The following GRIK1 variants were observed in gnomAD, a reference collection of about 807,000 sequenced individuals.
GRIK1 encodes glutamate ionotropic receptor kainate type subunit 1.
In GRIK1, 69 loss-of-function variants were observed where a neutral mutation model predicts 105.7. The observed-to-expected ratio is 0.65, with a 90% CI of 0.54 to 0.80. The LOEUF (loss-of-function observed/expected upper bound fraction) is 0.80. GRIK1 is among the 30% of genes least tolerant of loss of function. The probability of loss-of-function intolerance (pLI) is 0.00; values close to 1 mark genes in which losing one functional copy is unlikely to be tolerated. For synonymous variants in GRIK1, 438 were observed against 431.3 expected (o/e 1.02, Z -0.19); for missense variants, 1,109 against 1,167.3 (o/e 0.95, Z 0.73).
chr21:29,580,880 C>A (rs907880635), intron 13 of GRIK1, among the ~76,000 whole-genome samples: 3 of 152,066 alleles, frequency 2.0e-5, no homozygotes, highest in African/African-American at 7.2e-5. Context: ...ATTTCTATGG[C>A]CAAATTTTAT....
chr21:29,846,508 AG>A (rs2068130378), intron 1 of GRIK1, among the ~76,000 whole-genome samples: 1 of 147,780 alleles, frequency 6.8e-6, no homozygotes, highest in Non-Finnish European at 1.5e-5. Context: ...AAAGAAAGAA[AG>A]AAAGAAAGAA....
At chr21:29,762,280 C>T (rs188612991) in intron 1 of GRIK1, among the ~76,000 whole-genome samples, 2 of 152,274 alleles carry the variant, frequency 1.3e-5, no homozygotes, top group Admixed American at 6.5e-5. Context: ...CGTAAGGTGC[C>T]ATTATGAATA....
chr21:29,767,524 AAAG>A (rs1419890350), intron 1 of GRIK1, among the ~76,000 whole-genome samples: 1 of 152,202 alleles, frequency 6.6e-6, no homozygotes, highest in African/African-American at 2.4e-5. Context: ...GGAAAAAAAA[AAAG>A]AACTGCAATA....
At position 29,880,736 on chromosome 21, in the gene GRIK1, G is replaced by A. The variant is rs181051138; in HGVS notation, c.118+58647C>T. Reference sequence around the variant, plus strand: ...TAAATGCCTAATTTAATGCTGATTTGTGGCAATCAGGACAATGCTGCAGGC... The same window carrying A: ...TAAATGCCTAATTTAATGCTGATTTATGGCAATCAGGACAATGCTGCAGGC... On this transcript the variant is annotated intron_variant, in intron 1 of 17. Coordinates refer to ENST00000327783, the MANE Select transcript of GRIK1 (RefSeq NM_001330994.2). Among the ~76,000 whole-genome samples the A allele has an allele frequency of 2.0e-5, 3 of 152,262 alleles. No homozygotes were observed. The East Asian group carries it at 5.8e-4, about 29-fold the overall frequency.
intron 1 of GRIK1, among the ~76,000 whole-genome samples, chr21:29,719,759 A>T (rs1601527402): frequency 1.3e-5 from 2 of 152,296 alleles, no homozygotes; most frequent in East Asian, 3.9e-4. Flanking sequence ...TCCCAAGGGG[A>T]TCAGTTTGAA....
At chr21:29,935,925 T>TA (rs901839756) in intron 1 of GRIK1, among the ~76,000 whole-genome samples, 1 of 152,014 alleles carries the variant, frequency 6.6e-6, no homozygotes, top group African/African-American at 2.4e-5. Flanking sequence ...ATGTAAATAA[T>TA]AAAAAAAGTA....
At position 29,575,872 on chromosome 21, in the gene GRIK1, GAAAC is replaced by G. The variant is rs1050763869; in HGVS notation, c.2130+1088_2130+1091del. ...ACAAAAAAACAGCTGCCCCCCAAAA[GAAAC>G]AAACAAACAAAAAACCCCAAACAGT... On this transcript the variant is annotated intron_variant, in intron 14 of 17. Coordinates refer to ENST00000327783, the MANE Select transcript of GRIK1 (RefSeq NM_001330994.2). Among the ~76,000 whole-genome samples, 126 of 151,908 alleles carry G rather than the reference GAAAC, an allele frequency of 8.3e-4. No individual in the cohort carries two copies. In the Middle Eastern group the frequency reaches 0.014, roughly 16 times the overall value.
At chr21:29,901,232 A>G (rs1183326583) in intron 1 of GRIK1, among the ~76,000 whole-genome samples, 1 of 152,206 alleles carries the variant, frequency 6.6e-6, no homozygotes, top group Non-Finnish European at 1.5e-5. Flanking sequence ...CATCACAATT[A>G]AAAAACTAGA....
At chr21:29,721,516 A>G (rs1354850753) in intron 1 of GRIK1, among the ~76,000 whole-genome samples, 1 of 152,092 alleles carries the variant, frequency 6.6e-6, no homozygotes, top group East Asian at 1.9e-4. Flanking sequence ...GACAATGGGC[A>G]AAATGAAAAA....
At chr21:29,670,334 A>G (rs1453666863) in intron 4 of GRIK1, among the ~76,000 whole-genome samples, 11 of 152,328 alleles carry the variant, frequency 7.2e-5, no homozygotes, top group Admixed American at 7.2e-4. Flanking sequence ...TACAAAGCTG[A>G]ACTAATCCTA....
intron 6 of GRIK1, among the ~76,000 whole-genome samples, chr21:29,645,896 T>C (rs2062608034): frequency 6.6e-6 from 1 of 152,180 alleles, no homozygotes; most frequent in Non-Finnish European, 1.5e-5. Context: ...AATAAGCACA[T>C]TGAAAGCATA....
intron 16 of GRIK1, among the ~76,000 whole-genome samples, chr21:29,538,763 C>T (rs1298844515): frequency 6.6e-6 from 1 of 152,074 alleles, no homozygotes; most frequent in Non-Finnish European, 1.5e-5. Context: ...TTGCAAAGTA[C>T]TAAACATCTA....
At chr21:29,616,014 G>A (rs1419421696) in intron 7 of GRIK1, among the ~76,000 whole-genome samples, 1 of 152,150 alleles carries the variant, frequency 6.6e-6, no homozygotes, top group Admixed American at 6.5e-5. Context: ...CTGGAAATTT[G>A]CCCCAATTCC....
chr21:29,933,589 A>G (rs946258774), intron 1 of GRIK1, among the ~76,000 whole-genome samples: 8 of 152,198 alleles, frequency 5.3e-5, no homozygotes, highest in Non-Finnish European at 1.0e-4. Context: ...ATTGTGGAGC[A>G]CAAAACTCTC....
At chr21:29,646,804 AT>A (rs1357490324) in intron 6 of GRIK1, among the ~76,000 whole-genome samples, 1 of 151,984 alleles carries the variant, frequency 6.6e-6, no homozygotes, top group Non-Finnish European at 1.5e-5. Context: ...TTGGAAATAC[AT>A]GGATTCTGCC....
chr21:29,796,379 A>G (rs1024518313), intron 1 of GRIK1, among the ~76,000 whole-genome samples: 1 of 152,196 alleles, frequency 6.6e-6, no homozygotes, highest in African/African-American at 2.4e-5. Flanking sequence ...AATCAATTTA[A>G]TGATAACTGA....
At chr21:29,617,348 C>T (rs551427047) in intron 7 of GRIK1, among the ~76,000 whole-genome samples, 1 of 152,294 alleles carries the variant, frequency 6.6e-6, no homozygotes, top group South Asian at 2.1e-4. Flanking sequence ...ACATTTTTTA[C>T]ACCAATCTTG....
chr21:29,832,578 T>C (rs1219566505), intron 1 of GRIK1, among the ~76,000 whole-genome samples: 3 of 152,160 alleles, frequency 2.0e-5, no homozygotes, highest in African/African-American at 7.2e-5. Flanking sequence ...TTGTACACTC[T>C]GGAGCAGTAG....
intron 1 of GRIK1, among the ~76,000 whole-genome samples, chr21:29,696,543 A>T (rs1369271883): frequency 6.6e-6 from 1 of 152,254 alleles, no homozygotes; most frequent in Non-Finnish European, 1.5e-5. Flanking sequence ...CTTGGTCACC[A>T]GAAGGTGGAC....
Sources: allele counts gnomAD v4.1 joint callset (sites outside exome capture counted in the v4.1 genomes callset), GRCh38; gene constraint gnomAD v4.1.1; transcripts MANE v1.5; gene names NCBI Gene and HGNC (gene_info 2026-07-23, HGNC 2026-07-21).